Variants in IDS observed in about 807,000 individuals in gnomAD.
IDS encodes the protein iduronate 2-sulfatase.
Under a neutral mutation model 33.5 loss-of-function variants are expected in IDS, and 1 was observed. The ratio of observed to expected loss-of-function variants is 0.03; its 90% CI spans 0.01 to 0.14. The LOEUF is 0.14. Ranked by LOEUF, IDS falls within the 10% of genes least tolerant of loss-of-function variation. The probability of loss-of-function intolerance (pLI) is 1.00; values close to 1 mark genes in which losing one functional copy is unlikely to be tolerated. For missense variants in IDS, 328 were observed against 448.0 expected, an observed-to-expected ratio of 0.73 and a Z score of 2.42; for synonymous variants, 191 against 184.4, an observed-to-expected ratio of 1.04 and a Z score of -0.29.
intron 6 of IDS, chrX:149,491,684 C>T: frequency 2.0e-6 from 2 of 990,112 alleles, no homozygotes; most frequent in Non-Finnish European, 2.6e-6. Flanking sequence ...ATGAAAGACA[C>T]CTGTCAGGAT....
intron 8 of IDS, among the ~76,000 whole-genome samples, chrX:149,483,507 GATC>G (rs781847085): frequency 9.0e-6 from 1 of 111,250 alleles, no homozygotes; most frequent in East Asian, 2.8e-4. Context: ...CTCAGACAAG[GATC>G]ATCAATTAAG....
chrX:149,504,970 G>C, intron 1 of IDS, 65 bp downstream of exon 1: 2 of 818,975 alleles, frequency 2.4e-6, no homozygotes, highest in Admixed American at 2.3e-5. Flanking sequence ...AGGAAGGAAA[G>C]AAGGAAGGAG....
intron 8 of IDS, among the ~76,000 whole-genome samples, chrX:149,484,715 C>T (rs2089322223): frequency 8.9e-6 from 1 of 112,481 alleles, no homozygotes; most frequent in Admixed American, 9.4e-5. Context: ...AGTCTAAATA[C>T]TGTACTTTAT....
chrX:149,504,282 C>G lies in IDS; in HGVS notation c.115G>C (p.Val39Leu). ...QANSTTDALN[V>L]LLIIVDDLRP... ...AGGTCATCCACGATGATGAGAAGAA[C>G]GTTCAGAGCATCTACACAGGAGGGA... The change falls in exon 2 of 9, where the codon GTT becomes CTT. Residue 39 changes from valine to leucine, a missense_variant. Physicochemically the swap from Val to Leu is conservative, Grantham distance 32. Transcript: ENST00000340855. 1.7e-6 allele frequency: 2 copies of G among 1,203,938 alleles called. No individual in the cohort carries two copies. The highest frequency in any genetic ancestry group is 2.2e-6 in the Non-Finnish European group (2 of 891,381).
rs782343496 is a variant in IDS at position 149,493,785 on chromosome X, C to T, written c.879+2561G>A. 5.4e-5 allele frequency among the ~76,000 whole-genome samples: 6 copies of T among 111,219 alleles called. No homozygotes were observed. The South Asian group carries it at 2.3e-3, about 42-fold the overall frequency. The stretch of plus-strand genomic sequence containing the variant: ...GTGGCATCTGATCCTGTGAACGGCA[C>T]ATTAAGGACTCCAAGACTCAGAAAG... On this transcript the variant is annotated intron_variant, in intron 6 of 8. Transcript: ENST00000340855.
intron 8 of IDS, among the ~76,000 whole-genome samples, chrX:149,485,649 G>A (rs782524665): frequency 1.8e-5 from 2 of 111,980 alleles, no homozygotes; most frequent in African/African-American, 6.5e-5. Context: ...AAAAGACACA[G>A]CTAGAGATAA....
At position 149,482,930 on chromosome X, in the gene IDS, T is replaced by C; in HGVS notation, c.1469A>G (p.Tyr490Cys). The C allele has an allele frequency of 8.3e-7, 1 of 1,211,709 alleles. No individual in the cohort carries two copies. The highest frequency in any genetic ancestry group is 1.1e-6 in the Non-Finnish European group (1 of 895,356). ...PSLKDIKIMG[Y>C]SIRTIDYRYT... ...CCTATAGTCTATGGTGCGTATGGAA[T>C]AGCCCATGATCTTTATATCTTTTAA... Residue 490 changes from tyrosine (Y) to cysteine (C), a missense_variant, in exon 9 of 9, where the codon TAT (tyrosine) becomes TGT (cysteine). Tyr to Cys is a radical substitution (Grantham distance 194, BLOSUM62 -2). Transcript: ENST00000340855.
chrX:149,495,494 C>T (rs1233237143), intron 6 of IDS: 5 of 98,880 alleles, frequency 5.1e-5, no homozygotes, highest in Non-Finnish European at 1.0e-4. Flanking sequence ...TAAGAAATGT[C>T]GGTTGTCAGG....
In IDS at chrX:149,490,302, C is replaced by A. The variant is rs1424435938; in HGVS notation, c.1006+12G>T. On this transcript the variant is annotated intron_variant, in intron 7 of 8. Transcript: ENST00000340855. ...GATGTTTTGACTCACCAGGGAATTT[C>A]AAAATGCTTACCATGATCCGAGGTA... 5 of 1,210,327 alleles carry A rather than the reference C, an allele frequency of 4.1e-6. No homozygotes were observed. Among genetic ancestry groups the A allele is most frequent in the Non-Finnish European group, 5.6e-6 (5 of 894,314 alleles).
rs1310155602 is a variant in IDS at position 149,479,977 on chromosome X, C to T, written c.*2769G>A. 6 of 259,608 alleles carry T rather than the reference C, an allele frequency of 2.3e-5. No individual in the cohort carries two copies. The highest frequency in any genetic ancestry group is 8.5e-5 in the African/African-American group (3 of 35,469). The allele number at this position is 259,608 out of a possible 1,213,427, so 21.4% of individuals were successfully genotyped here. A position where few individuals can be genotyped will look rare whatever the true frequency, so the allele number is the denominator to read the frequency against. ...GAGTCACAAAAACCTCAGCCTCCTT[C>T]GGGAGGGGGGGAGCTTGGTAGTGAA... On this transcript the variant is annotated 3_prime_UTR_variant, in exon 9 of 9. Coordinates refer to ENST00000340855, the MANE Select transcript of IDS (RefSeq NM_000202.8).
intron 8 of IDS, among the ~76,000 whole-genome samples, chrX:149,485,897 G>A (rs934214344): frequency 1.6e-4 from 18 of 112,052 alleles, no homozygotes; most frequent in Non-Finnish European, 2.3e-4. Flanking sequence ...TATAAAGCAA[G>A]CTCAGAAAGA....
rs1425971719 is a variant in IDS at position 149,481,483 on chromosome X, G to T, written c.*1263C>A. The stretch of plus-strand genomic sequence containing the variant: ...CAAATATTTACCTGGAAACACTGGA[G>T]ACTTTGTAAAGAGAAAATTACTAAA... On this transcript the variant is annotated 3_prime_UTR_variant, in exon 9 of 9. Transcript: ENST00000340855. The T allele has an allele frequency of 1.8e-5, 2 of 112,373 alleles. No individual in the cohort carries two copies. The highest frequency in any genetic ancestry group is 3.8e-5 in the Non-Finnish European group (2 of 53,251). 9.3% of individuals were successfully genotyped at this position (112,373 alleles called of 1,213,427 possible).
intron 7 of IDS, among the ~76,000 whole-genome samples, chrX:149,488,118 T>C (rs2089355277): frequency 1.0e-5 from 1 of 99,837 alleles, no homozygotes; most frequent in African/African-American, 3.8e-5. Flanking sequence ...CCAATGATTC[T>C]GGTGAGCCGT....
intron 6 of IDS, among the ~76,000 whole-genome samples, chrX:149,492,152 C>T (rs1269944058): frequency 2.7e-5 from 3 of 112,048 alleles, no homozygotes; most frequent in Admixed American, 9.4e-5. Flanking sequence ...CTCCCTTGTA[C>T]CTACTCCTTG....
intron 6 of IDS, among the ~76,000 whole-genome samples, chrX:149,491,944 T>C (rs1039204062): frequency 6.2e-5 from 7 of 112,508 alleles, no homozygotes; most frequent in African/African-American, 1.9e-4. Flanking sequence ...CTGGCTCTAG[T>C]GGCCAGAGAG....
In IDS at chrX:149,505,054, C is replaced by A. The variant is rs1194554189; in HGVS notation, c.84G>T (p.Thr28=). Reference sequence around the variant, plus strand: ...CGGCACCTGTGGTCGAGTTGGCCTGCGTTTCGGATCCGAGGGCGACGCAGA... The same window carrying A: ...CGGCACCTGTGGTCGAGTTGGCCTGAGTTTCGGATCCGAGGGCGACGCAGA... ...SSVCVALGSE[T]QANSTTDALN... The change falls in exon 1 of 9, where the codon ACG becomes ACT. Residue 28 remains threonine, a synonymous_variant. Coordinates refer to ENST00000340855, the MANE Select transcript of IDS (RefSeq NM_000202.8). The A allele has an allele frequency of 1.1e-5, 13 of 1,207,807 alleles. No individual in the cohort carries two copies. The highest frequency in any genetic ancestry group is 1.5e-5 in the Non-Finnish European group (13 of 892,462).
rs782070974 is a variant in IDS at position 149,490,311 on chromosome X, T to C, written c.1006+3A>G. On this transcript the variant is annotated splice_donor_region_variant and intron_variant, in intron 7 of 8. Transcript: ENST00000340855. ...ACTCACCAGGGAATTTCAAAATGCT[T>C]ACCATGATCCGAGGTAAATGCAATG... is the stretch of plus-strand genomic sequence containing the variant. The C allele has an allele frequency of 2.9e-5, 35 of 1,208,777 alleles. No individual in the cohort carries two copies. The highest frequency in any genetic ancestry group is 3.9e-5 in the Non-Finnish European group (35 of 894,253).
chrX:149,498,331 A>G (rs1169372199), intron 4 of IDS, 24 bp from the exon 5 acceptor site: 4 of 1,149,465 alleles, frequency 3.5e-6, no homozygotes, highest in Non-Finnish European at 4.8e-6. Context: ...ATAATATAAC[A>G]TCAGCTTTTT....
intron 6 of IDS, among the ~76,000 whole-genome samples, chrX:149,494,623 C>G (rs1557339110): frequency 9.0e-6 from 1 of 111,578 alleles, no homozygotes; most frequent in Non-Finnish European, 1.9e-5. Context: ...CACATGCAGG[C>G]ATCAGGGAGG....
Sources: gnomAD v4.1 joint callset for allele counts (sites outside exome capture counted in the v4.1 genomes callset) on GRCh38, gnomAD v4.1.1 for gene constraint, MANE v1.5 for transcripts, NCBI Gene and HGNC (gene_info 2026-07-23, HGNC 2026-07-21) for gene names.